Variants in SYNRG observed in about 807,000 individuals in gnomAD.
SYNRG encodes the protein AP1 gamma subunit binding protein 1.
In SYNRG, 37 loss-of-function variants were observed where a neutral mutation model predicts 130.9. The observed-to-expected ratio is 0.28, with a 90% CI of 0.22 to 0.37. The LOEUF (loss-of-function observed/expected upper bound fraction) is 0.37. SYNRG is among the 10% of genes least tolerant of loss of function. The pLI is 1.00. For missense variants in SYNRG, 1,338 were observed against 1,588.9 expected (o/e 0.84, Z 2.68); for synonymous variants, 539 against 568.1 (o/e 0.95, Z 0.73).
At chr17:37,585,579 C>G (rs2061632786) in intron 4 of SYNRG, 149 bp from the exon 5 acceptor site, 1 of 587,024 alleles carries the variant, frequency 1.7e-6, no homozygotes, top group Admixed American at 3.4e-5. Context: ...TACGACAATC[C>G]TGTTTCCTCA....
intron 10 of SYNRG, among the ~76,000 whole-genome samples, chr17:37,569,777 C>T (rs1257115028): frequency 6.6e-6 from 1 of 151,074 alleles, no homozygotes; most frequent in Non-Finnish European, 1.5e-5. Context: ...CAATCACATA[C>T]ATGTACAAAG....
chr17:37,560,826 G>A (rs756342901), intron 13 of SYNRG, among the ~76,000 whole-genome samples: 4 of 150,594 alleles, frequency 2.7e-5, no homozygotes, highest in South Asian at 2.1e-4. Flanking sequence ...CATCACACCC[G>A]GCTAATTTTC....
chr17:37,532,605 G>A lies in SYNRG; in HGVS notation c.3666+3374C>T, dbSNP rs113433580. On this transcript the variant is annotated intron_variant, in intron 19 of 21. Coordinates refer to ENST00000612223, the MANE Select transcript of SYNRG (RefSeq NM_007247.6). Reference sequence around the variant, plus strand: ...TGAGAATTGCTTTAATCTGGGAGGCGGAGGTTGCAGTGAGCCGAGATTGCA... The same window carrying A: ...TGAGAATTGCTTTAATCTGGGAGGCAGAGGTTGCAGTGAGCCGAGATTGCA... Among the ~76,000 whole-genome samples the A allele has an allele frequency of 5.0e-3, 750 of 149,036 alleles. 7 individuals are homozygous for A. The highest frequency in any genetic ancestry group is 0.016 in the African/African-American group (647 of 40,550).
chr17:37,607,042 A>G (rs2063809586), intron 1 of SYNRG, among the ~76,000 whole-genome samples: 2 of 152,210 alleles, frequency 1.3e-5, no homozygotes, highest in Admixed American at 1.3e-4. Flanking sequence ...TCCTTTTTCT[A>G]TTGAGGATAC....
chr17:37,587,556 T>C (rs1245377927), intron 3 of SYNRG, among the ~76,000 whole-genome samples: 1 of 152,176 alleles, frequency 6.6e-6, no homozygotes, highest in East Asian at 1.9e-4. Context: ...TTCAAAAACC[T>C]GAATACATTT....
chr17:37,577,005 C>T (rs2060885610), intron 7 of SYNRG, among the ~76,000 whole-genome samples: 1 of 151,974 alleles, frequency 6.6e-6, no homozygotes, highest in South Asian at 2.1e-4. Context: ...TTAGAGAAAC[C>T]AAAACTATAT....
chr17:37,526,739 T>C (rs1162549925), intron 19 of SYNRG, among the ~76,000 whole-genome samples: 2 of 152,188 alleles, frequency 1.3e-5, no homozygotes, highest in African/African-American at 2.4e-5. Context: ...TGTTGTCACA[T>C]CACTTTTTCT....
chr17:37,524,530 TG>T (rs2055582886), intron 19 of SYNRG, among the ~76,000 whole-genome samples: 1 of 152,364 alleles, frequency 6.6e-6, no homozygotes, highest in Non-Finnish European at 1.5e-5. Context: ...AGGACTCTGG[TG>T]TAGGTGATCA....
At chr17:37,531,619 A>T (rs528289033) in intron 19 of SYNRG, among the ~76,000 whole-genome samples, 1 of 152,094 alleles carries the variant, frequency 6.6e-6, no homozygotes, top group Non-Finnish European at 1.5e-5. Flanking sequence ...TTTACAAAAA[A>T]TACAAAAACA....
chr17:37,529,619 C>T (rs1406023780), intron 19 of SYNRG, among the ~76,000 whole-genome samples: 1 of 151,610 alleles, frequency 6.6e-6, no homozygotes, highest in East Asian at 1.9e-4. Context: ...AGCTTGTAGC[C>T]ACAGGAGCTT....
intron 19 of SYNRG, among the ~76,000 whole-genome samples, chr17:37,525,993 C>T (rs942410780): frequency 6.6e-6 from 1 of 151,564 alleles, no homozygotes; most frequent in Non-Finnish European, 1.5e-5. Flanking sequence ...ATTGGCCGGA[C>T]GTGGTGGCGG....
intron 19 of SYNRG, among the ~76,000 whole-genome samples, chr17:37,532,671 C>CA (rs56982337): frequency 0.25 from 19,487 of 78,150 alleles, 2,797 homozygotes; most frequent in East Asian, 0.67. Flanking sequence ...AGATCTGTCT[C>CA]AAAAAAAAAA....
chr17:37,515,232 A>C lies in SYNRG; in HGVS notation c.*3708T>G, dbSNP rs1343483903. 6.6e-6 allele frequency: 1 copy of C among 152,170 alleles called. No individual in the cohort carries two copies. The highest frequency in any genetic ancestry group is 1.5e-5 in the Non-Finnish European group (1 of 68,030). 9.4% of individuals were successfully genotyped at this position (152,170 alleles called of 1,614,324 possible). On this transcript the variant is annotated 3_prime_UTR_variant, in exon 22 of 22. Coordinates refer to ENST00000612223, the MANE Select transcript of SYNRG (RefSeq NM_007247.6). ...TTAAGCTTTATTTCCTCGGCCTGGC[A>C]AGGGGAGGGCTTTTCAGTATTGTTA... is the stretch of plus-strand genomic sequence containing the variant.
At chr17:37,595,601 T>C (rs2062691359) in intron 3 of SYNRG, among the ~76,000 whole-genome samples, 1 of 152,150 alleles carries the variant, frequency 6.6e-6, no homozygotes, top group Non-Finnish European at 1.5e-5. Context: ...ACACAACATA[T>C]TAGTGTAACA....
At chr17:37,577,693 T>TCC in intron 6 of SYNRG, 80 bp from the exon 7 acceptor site, 9 of 991,762 alleles carry the variant, frequency 9.1e-6, no homozygotes, top group Middle Eastern at 3.2e-4. Context: ...CACCCCCATA[T>TCC]TCTTTTTTTT....
intron 14 of SYNRG, among the ~76,000 whole-genome samples, chr17:37,549,840 C>T (rs1021668999): frequency 6.6e-6 from 1 of 152,176 alleles, no homozygotes; most frequent in Admixed American, 6.5e-5. Flanking sequence ...AATCCACCCA[C>T]CTTGGCCTCC....
chr17:37,520,643 A>C lies in SYNRG; in HGVS notation c.3672T>G (p.Asp1224Glu). The change falls in exon 20 of 22, where the codon GAT becomes GAG. Residue 1224 changes from aspartate to glutamate, a missense_variant. This residue lies in a region of SYNRG where 1,146 missense variants were observed against 1,342.3 expected (regional missense o/e 0.85). Coordinates refer to ENST00000612223, the MANE Select transcript of SYNRG (RefSeq NM_007247.6). ...AGGAGGAAAAATCCAGCGAGTTTTC[A>C]TCTGGCTGTGAGGACGACAAGACAA... Reference protein sequence around the residue: ...GFMSLATLTPDENSLDFSSCM... With the variant: ...GFMSLATLTPEENSLDFSSCM... The C allele has an allele frequency of 6.2e-7, 1 of 1,614,168 alleles. No homozygotes were observed. Among genetic ancestry groups the C allele is most frequent in the Non-Finnish European group, 8.5e-7 (1 of 1,179,992 alleles).
chr17:37,549,131 CAAAAA>C (rs902288633), intron 14 of SYNRG, among the ~76,000 whole-genome samples: 1 of 52,446 alleles, frequency 1.9e-5, no homozygotes, highest in South Asian at 6.2e-4. Flanking sequence ...AACCTGGTCT[CAAAAA>C]AAAAAAAAAA....
chr17:37,578,473 G>A (rs559864253), intron 6 of SYNRG, among the ~76,000 whole-genome samples: 2 of 152,216 alleles, frequency 1.3e-5, no homozygotes, highest in Non-Finnish European at 2.9e-5. Context: ...AGGTGGAAGA[G>A]TGTAGTGGAA....
Sources: gnomAD v4.1 joint callset for allele counts (sites outside exome capture counted in the v4.1 genomes callset) on GRCh38, gnomAD v4.1.1 for gene constraint, gnomAD v4.1.1 regional missense constraint, MANE v1.5 for transcripts, NCBI Gene and HGNC (gene_info 2026-07-23, HGNC 2026-07-21) for gene names.